KCNH5: variants seen among roughly 807,000 people sequenced by gnomAD.
The protein encoded by KCNH5 is potassium voltage-gated channel subfamily H member 5.
Under a neutral mutation model 96.1 loss-of-function variants are expected in KCNH5, and 46 were observed. The ratio of observed to expected loss-of-function variants is 0.48; its 90% CI spans 0.38 to 0.61. The LOEUF (loss-of-function observed/expected upper bound fraction) is 0.61. KCNH5 is among the 20% of genes least tolerant of loss of function. The pLI is 0.00. For missense variants in KCNH5, 907 were observed against 1,225.8 expected (o/e 0.74, Z 3.88); for synonymous variants, 439 against 449.8 (o/e 0.98, Z 0.30).
In KCNH5 at chr14:62,905,117, T is replaced by C. The variant is rs1889002163; in HGVS notation, c.1369+45016A>G. 2.0e-5 allele frequency among the ~76,000 whole-genome samples: 3 copies of C among 152,226 alleles called. No homozygotes were observed. In the South Asian group the frequency reaches 6.2e-4, roughly 32 times the overall value. On this transcript the variant is annotated intron_variant, in intron 7 of 10. Coordinates refer to ENST00000322893, the MANE Select transcript of KCNH5 (RefSeq NM_139318.5). Reference sequence around the variant, plus strand: ...GGTTCTGATGGCATTATACCCTTAGTAGGCTAAGAAAAGAAAATCTACCTC... The same window carrying C: ...GGTTCTGATGGCATTATACCCTTAGCAGGCTAAGAAAAGAAAATCTACCTC...
intron 8 of KCNH5, among the ~76,000 whole-genome samples, chr14:62,817,738 A>T (rs532315221): frequency 8.1e-4 from 116 of 142,562 alleles, no homozygotes; most frequent in Non-Finnish European, 1.5e-3. Context: ...TCTATATAAT[A>T]ATATATTCTA....
rs1381894486 is a variant in KCNH5 at position 62,704,417 on chromosome 14, T to C, written c.*3091A>G. On this transcript the variant is annotated 3_prime_UTR_variant, in exon 11 of 11. Transcript: ENST00000322893. ...TTGTCATCTGGCTTTTGTGTGCCTATTTGCTTTTTATCATAATCTCTTCCA... is the reference window on the plus strand; with the variant it reads ...TTGTCATCTGGCTTTTGTGTGCCTACTTGCTTTTTATCATAATCTCTTCCA... The C allele has an allele frequency of 6.6e-6, 1 of 151,890 alleles. No homozygotes were observed. The highest frequency in any genetic ancestry group is 2.4e-5 in the African/African-American group (1 of 41,434). 9.4% of individuals were successfully genotyped at this position (151,890 alleles called of 1,614,324 possible).
intron 7 of KCNH5, among the ~76,000 whole-genome samples, chr14:62,915,924 C>T (rs1401068355): frequency 6.6e-6 from 1 of 151,644 alleles, no homozygotes; most frequent in Non-Finnish European, 1.5e-5. Flanking sequence ...AGTGGCTTAG[C>T]CAGGGTTTCT....
At chr14:62,721,797 C>A (rs1051689574) in intron 10 of KCNH5, among the ~76,000 whole-genome samples, 3 of 152,156 alleles carry the variant, frequency 2.0e-5, no homozygotes, top group African/African-American at 7.2e-5. Flanking sequence ...TTGTTTTCCA[C>A]CCTTTTCCAA....
intron 1 of KCNH5, among the ~76,000 whole-genome samples, chr14:63,020,914 TG>T (rs1594678906): frequency 6.6e-6 from 1 of 152,200 alleles, no homozygotes; most frequent in African/African-American, 2.4e-5. Context: ...TACATTTCTG[TG>T]GTACCTAGGG....
intron 2 of KCNH5, among the ~76,000 whole-genome samples, chr14:63,015,720 C>T (rs547961766): frequency 2.6e-5 from 4 of 152,024 alleles, no homozygotes; most frequent in African/African-American, 4.8e-5. Flanking sequence ...AGTTATAACG[C>T]CCTGTGGAAC....
intron 6 of KCNH5, among the ~76,000 whole-genome samples, chr14:62,953,458 AT>A (rs1271323082): frequency 8.9e-4 from 136 of 152,250 alleles, no homozygotes; most frequent in Non-Finnish European, 2.6e-4. Context: ...CTCCTGAGTT[AT>A]TGATACTAAG....
At chr14:62,933,682 T>A (rs1260870603) in intron 7 of KCNH5, among the ~76,000 whole-genome samples, 1 of 152,192 alleles carries the variant, frequency 6.6e-6, no homozygotes, top group Non-Finnish European at 1.5e-5. Context: ...CTGGGAAATG[T>A]CTAAAGGCAT....
At chr14:62,718,549 C>T (rs1884736149) in intron 10 of KCNH5, among the ~76,000 whole-genome samples, 1 of 151,992 alleles carries the variant, frequency 6.6e-6, no homozygotes, top group African/African-American at 2.4e-5. Flanking sequence ...TAGTAAAAAA[C>T]ACAGAAAATA....
intron 6 of KCNH5, among the ~76,000 whole-genome samples, chr14:62,954,060 C>T (rs1890055146): frequency 6.6e-6 from 1 of 152,230 alleles, no homozygotes; most frequent in Admixed American, 6.5e-5. Context: ...TCCACCTGTT[C>T]TCTAGGCTGC....
intron 10 of KCNH5, among the ~76,000 whole-genome samples, chr14:62,718,298 T>TA (rs986851040): frequency 2.6e-5 from 4 of 151,902 alleles, no homozygotes; most frequent in Non-Finnish European, 4.4e-5. Context: ...TAAAATATAA[T>TA]AATAATAATA....
At chr14:62,873,244 A>C (rs1056141267) in intron 7 of KCNH5, among the ~76,000 whole-genome samples, 4 of 152,222 alleles carry the variant, frequency 2.6e-5, no homozygotes, top group Admixed American at 2.0e-4. Flanking sequence ...ATATACCCTC[A>C]AGTGTAAAAA....
At chr14:63,044,099 A>G (rs1242165271) in intron 1 of KCNH5, among the ~76,000 whole-genome samples, 2 of 152,200 alleles carry the variant, frequency 1.3e-5, no homozygotes, top group African/African-American at 4.8e-5. Context: ...CCATATACAG[A>G]AATGTCTTTC....
intron 9 of KCNH5, among the ~76,000 whole-genome samples, chr14:62,783,369 A>C (rs905889991): frequency 7.9e-5 from 12 of 152,204 alleles, no homozygotes; most frequent in African/African-American, 2.9e-4. Flanking sequence ...GATGGTACCA[A>C]AAAAAGCCAA....
chr14:62,732,936 A>ATC lies in KCNH5; in HGVS notation c.2020-24483_2020-24482dup, dbSNP rs1170392588. 1.8e-4 allele frequency among the ~76,000 whole-genome samples: 27 copies of ATC among 148,068 alleles called. No individual in the cohort carries two copies. In the East Asian group the frequency reaches 3.2e-3, roughly 18 times the overall value. On this transcript the variant is annotated intron_variant, in intron 10 of 10. Coordinates refer to ENST00000322893, the MANE Select transcript of KCNH5 (RefSeq NM_139318.5). ...CCCCTCCTCTCTTCTATTCTCTCTCATCTCTCTCTCTCCTTCTTCTTGTCC... is the reference window on the plus strand; with the variant it reads ...CCCCTCCTCTCTTCTATTCTCTCTCATCTCTCTCTCTCTCCTTCTTCTTGTCC...
chr14:62,845,876 T>C (rs554449718), intron 8 of KCNH5, among the ~76,000 whole-genome samples: 1 of 152,302 alleles, frequency 6.6e-6, no homozygotes, highest in South Asian at 2.1e-4. Flanking sequence ...GTATGAACAC[T>C]GGGTGGTGTT....
At chr14:62,998,988 A>G (rs535718218) in intron 4 of KCNH5, among the ~76,000 whole-genome samples, 1 of 152,318 alleles carries the variant, frequency 6.6e-6, no homozygotes, top group Admixed American at 6.5e-5. Context: ...TATTGCTGCA[A>G]TAAACATACG....
chr14:62,992,498 G>C (rs557898557), intron 4 of KCNH5, among the ~76,000 whole-genome samples: 1 of 151,880 alleles, frequency 6.6e-6, no homozygotes, highest in South Asian at 2.1e-4. Flanking sequence ...GCTATTTTTT[G>C]TCTTTTTAAT....
rs555864164 is a variant in KCNH5 at position 62,811,000 on chromosome 14, TGG to T, written c.1570-8421_1570-8420del. ...GAAACCCTGACCCAACGGCTATCTTTGGGTAAGTGTTGGGGTCCTGTAACAAT... is the reference window on the plus strand; with the variant it reads ...GAAACCCTGACCCAACGGCTATCTTTGTAAGTGTTGGGGTCCTGTAACAAT... On this transcript the variant is annotated intron_variant, in intron 8 of 10. Coordinates refer to ENST00000322893, the MANE Select transcript of KCNH5 (RefSeq NM_139318.5). Among the ~76,000 whole-genome samples the T allele has an allele frequency of 6.2e-4, 94 of 152,132 alleles. 1 individual carries two copies. The highest frequency in any genetic ancestry group is 2.2e-3 in the African/African-American group (92 of 41,516).
Sources: gnomAD v4.1 joint callset for allele counts (sites outside exome capture counted in the v4.1 genomes callset) on GRCh38, gnomAD v4.1.1 for gene constraint, MANE v1.5 for transcripts, NCBI Gene and HGNC (gene_info 2026-07-23, HGNC 2026-07-21) for gene names.